Variants in DENND10 observed in about 807,000 individuals in gnomAD.
The protein encoded by DENND10 is DENN domain containing 10.
A neutral mutation model predicts 43.6 loss-of-function variants in DENND10; 24 were observed. The ratio of observed to expected loss-of-function variants is 0.55; its 90% CI spans 0.40 to 0.77. DENND10 has a LOEUF of 0.77. Ranked by LOEUF, DENND10 falls within the 30% of genes least tolerant of loss-of-function variation. DENND10 has a pLI of 0.00. For synonymous variants in DENND10, 125 were observed against 157.6 expected (o/e 0.79, Z 1.55); for missense variants, 303 against 429.9 (o/e 0.70, Z 2.61).
intron 7 of DENND10, among the ~76,000 whole-genome samples, chr10:119,131,279 A>T (rs916320533): frequency 6.6e-6 from 1 of 152,162 alleles, no homozygotes; most frequent in African/African-American, 2.4e-5. Flanking sequence ...TAACACGGTG[A>T]AACCCCGTCT....
At chr10:119,135,185 A>AGC (rs1846266757) in intron 8 of DENND10, 1 of 149,702 alleles carries the variant, frequency 6.7e-6, no homozygotes, top group Non-Finnish European at 1.5e-5. Context: ...AAAAAAAAAA[A>AGC]AAGAAAAAGA....
At chr10:119,112,550 C>T (rs1327912373) in intron 3 of DENND10, among the ~76,000 whole-genome samples, 33 of 144,250 alleles carry the variant, frequency 2.3e-4, no homozygotes, top group African/African-American at 8.0e-4. Flanking sequence ...TGGAGTGCAG[C>T]GGCTTCATCA....
At position 119,135,885 on chromosome 10, in the gene DENND10, G is replaced by C. The variant is rs1265561455; in HGVS notation, c.898-586G>C. ...TTTTTCCTAATTTTTTCTTTAAAAAGAATTATCAGGCCAGATGCAGTGGCT... is the reference window on the plus strand; with the variant it reads ...TTTTTCCTAATTTTTTCTTTAAAAACAATTATCAGGCCAGATGCAGTGGCT... On this transcript the variant is annotated intron_variant, in intron 8 of 8. Coordinates refer to ENST00000361432, the MANE Select transcript of DENND10 (RefSeq NM_207009.4). Among the ~76,000 whole-genome samples the C allele has an allele frequency of 4.0e-5, 5 of 124,694 alleles. No homozygotes were observed. The East Asian group carries it at 1.2e-3, about 31-fold the overall frequency. The allele number at this position is 124,694 out of a possible 152,430, so 81.8% of individuals were successfully genotyped here. A position where few individuals can be genotyped will look rare whatever the true frequency, so the allele number is the denominator to read the frequency against.
chr10:119,115,208 C>T (rs1222564411), intron 3 of DENND10, among the ~76,000 whole-genome samples: 1 of 151,916 alleles, frequency 6.6e-6, no homozygotes, highest in Non-Finnish European at 1.5e-5. Context: ...ACCTCCTGAT[C>T]CCCACCCCAC....
chr10:119,132,887 G>A lies in DENND10; in HGVS notation c.897+278G>A. 2.5e-6 allele frequency: 1 copy of A among 399,810 alleles called. No homozygotes were observed. The highest frequency in any genetic ancestry group is 4.5e-6 in the Non-Finnish European group (1 of 221,196). 24.8% of individuals were successfully genotyped at this position (399,810 alleles called of 1,614,324 possible). On this transcript the variant is annotated intron_variant, in intron 8 of 8. Coordinates refer to ENST00000361432, the MANE Select transcript of DENND10 (RefSeq NM_207009.4). This position sits in a 1 kb window ranked among gnomAD's most constrained non-coding sequence, Gnocchi z 4.2. ...ATGTAACTACCAAGTGGTCTGGAAGGCTTTTCTGGGCCAGCCAGTGCATTC... is the reference window on the plus strand; with the variant it reads ...ATGTAACTACCAAGTGGTCTGGAAGACTTTTCTGGGCCAGCCAGTGCATTC...
chr10:119,127,753 G>T (rs542410773), intron 6 of DENND10, among the ~76,000 whole-genome samples: 2 of 152,134 alleles, frequency 1.3e-5, no homozygotes, highest in Admixed American at 1.3e-4. Flanking sequence ...CTCCCAAAGG[G>T]CTAGGATTAC....
intron 1 of DENND10, chr10:119,105,528 T>G (rs1340942333): frequency 8.6e-7 from 1 of 1,159,138 alleles, no homozygotes; most frequent in Non-Finnish European, 1.1e-6. Context: ...AATGTGATTT[T>G]CAAACTGCTT....
At chr10:119,105,606 C>CT in intron 1 of DENND10, 1 of 634,954 alleles carries the variant, frequency 1.6e-6, no homozygotes, top group Non-Finnish European at 2.1e-6. Context: ...GTTAAACTGT[C>CT]TTTATCTACT....
At chr10:119,118,953 C>T (rs563864932) in intron 4 of DENND10, among the ~76,000 whole-genome samples, 13 of 150,438 alleles carry the variant, frequency 8.6e-5, no homozygotes, top group Middle Eastern at 3.4e-3. Flanking sequence ...AAGTGATTCT[C>T]GTGCCTCAGC....
rs146074693 is a variant in DENND10 at position 119,130,130 on chromosome 10, G to A, written c.802+508G>A. On this transcript the variant is annotated intron_variant, in intron 7 of 8. Transcript: ENST00000361432. ...GGTGATTGTCATGTCTCAGCCTCCC[G>A]AGTAGTTGGGTTTACAGGCATGCAC... Among the ~76,000 whole-genome samples, 353 of 151,288 alleles carry A rather than the reference G, an allele frequency of 2.3e-3. 2 individuals are homozygous for A. The highest frequency in any genetic ancestry group is 8.3e-3 in the African/African-American group (341 of 41,186).
chr10:119,118,837 ATTTTTTTT>A (rs33924884), intron 4 of DENND10, among the ~76,000 whole-genome samples: 3 of 84,228 alleles, frequency 3.6e-5, no homozygotes, highest in East Asian at 6.7e-4. Context: ...TGCCCAGCTA[ATTTTTTTT>A]TTTTTTTTTT....
intron 3 of DENND10, 138 bp downstream of exon 3, chr10:119,112,066 T>C (rs1845002383): frequency 1.6e-6 from 1 of 640,936 alleles, no homozygotes; most frequent in Non-Finnish European, 2.7e-6. Context: ...CTTCACAGAC[T>C]GTAAAGACGG....
chr10:119,129,447 C>T (rs1845983394), intron 6 of DENND10, 68 bp from the exon 7 acceptor site: 1 of 1,008,994 alleles, frequency 9.9e-7, no homozygotes, highest in South Asian at 1.3e-5. Context: ...GCTTTTAGAC[C>T]CAATTCTTTT....
intron 5 of DENND10, among the ~76,000 whole-genome samples, chr10:119,122,223 G>A (rs530855921): frequency 6.6e-6 from 1 of 152,264 alleles, no homozygotes; most frequent in African/African-American, 2.4e-5. Context: ...TGGGAGAATC[G>A]CTTGAGCCCA....
In DENND10 at chr10:119,132,986, T is replaced by C; in HGVS notation, c.897+377T>C. On this transcript the variant is annotated intron_variant, in intron 8 of 8. Transcript: ENST00000361432. This position sits in a 1 kb window ranked among gnomAD's most constrained non-coding sequence, Gnocchi z 4.2. ...TTGTTGCTGAGCATGGGGAACTAGA[T>C]TGTCAAAATTTTGCTTTGCTTGTCT... 4.9e-6 allele frequency: 1 copy of C among 205,116 alleles called. No homozygotes were observed. The highest frequency in any genetic ancestry group is 1.0e-5 in the Non-Finnish European group (1 of 99,286). The allele number at this position is 205,116 out of a possible 1,614,324, so 12.7% of individuals were successfully genotyped here.
intron 1 of DENND10, among the ~76,000 whole-genome samples, chr10:119,107,207 C>T (rs1363404059): frequency 1.3e-5 from 2 of 151,532 alleles, no homozygotes; most frequent in African/African-American, 2.4e-5. Context: ...ATCCCAGCTA[C>T]TTGGGAGGCC....
Position 119,117,449 on chromosome 10 carries a change from G to A in DENND10, c.333-70G>A. On this transcript the variant is annotated intron_variant, in intron 3 of 8. Coordinates refer to ENST00000361432, the MANE Select transcript of DENND10 (RefSeq NM_207009.4). ...GATTCTTGAGAAGGCACCCATACCAGCCTGGGTGCACATCTGTACATGATT... is the reference window on the plus strand; with the variant it reads ...GATTCTTGAGAAGGCACCCATACCAACCTGGGTGCACATCTGTACATGATT... The A allele has an allele frequency of 2.0e-6, 3 of 1,529,276 alleles. No individual in the cohort carries two copies. In the South Asian group the frequency reaches 3.7e-5, roughly 19 times the overall value. The allele number at this position is 1,529,276 out of a possible 1,614,324, so 94.7% of individuals were successfully genotyped here.
chr10:119,124,651 T>G (rs916479725), intron 6 of DENND10, among the ~76,000 whole-genome samples: 14 of 152,130 alleles, frequency 9.2e-5, no homozygotes, highest in African/African-American at 3.4e-4. Context: ...CCCACACTGT[T>G]GGGATTACAG....
intron 6 of DENND10, among the ~76,000 whole-genome samples, chr10:119,124,671 G>A (rs756115517): frequency 1.3e-5 from 2 of 152,004 alleles, no homozygotes; most frequent in African/African-American, 2.4e-5. Context: ...GGTGTCAGCT[G>A]CTACGCACAG....
Sources: allele counts gnomAD v4.1 joint callset (sites outside exome capture counted in the v4.1 genomes callset), GRCh38; gene constraint gnomAD v4.1.1; non-coding constraint Gnocchi (gnomAD v3.1); transcripts MANE v1.5; gene names NCBI Gene and HGNC (gene_info 2026-07-23, HGNC 2026-07-21).